LRMDA: variants seen among roughly 807,000 people sequenced by gnomAD.
LRMDA encodes leucine-rich melanocyte differentiation-associated protein.
In LRMDA, 18 loss-of-function variants were observed where a neutral mutation model predicts 29.8. The observed-to-expected ratio is 0.60, with a 90% CI of 0.42 to 0.90. The LOEUF is 0.90. Ranked by LOEUF, LRMDA falls within the 40% of genes least tolerant of loss-of-function variation. The pLI is 0.00. For missense variants in LRMDA, 273 were observed against 273.9 expected (o/e 1.00, Z 0.02); for synonymous variants, 125 against 109.4 (o/e 1.14, Z -0.89).
intron 2 of LRMDA, among the ~76,000 whole-genome samples, chr10:75,597,658 T>A (rs576993424): frequency 3.9e-5 from 6 of 152,356 alleles, no homozygotes; most frequent in African/African-American, 1.2e-4. Context: ...TCACTTTTTT[T>A]AATCTTTAAA....
At chr10:75,933,548 A>T in intron 2 of LRMDA, among the ~76,000 whole-genome samples, 1 of 152,286 alleles carries the variant, frequency 6.6e-6, no homozygotes, top group East Asian at 1.9e-4. Flanking sequence ...TTCAGAGTGC[A>T]ATGTATGTCC....
chr10:75,996,716 T>G (rs1049991972), intron 2 of LRMDA, among the ~76,000 whole-genome samples: 4 of 151,594 alleles, frequency 2.6e-5, no homozygotes, highest in East Asian at 3.9e-4. Context: ...AAATTACGTG[T>G]TTTTTTTGTT....
At chr10:75,799,038 C>G (rs960502035) in intron 2 of LRMDA, among the ~76,000 whole-genome samples, 2 of 152,156 alleles carry the variant, frequency 1.3e-5, no homozygotes, top group East Asian at 3.8e-4. Flanking sequence ...CTAAAAATAT[C>G]AATTAGATTA....
At chr10:75,638,460 A>G (rs1841414201) in intron 2 of LRMDA, among the ~76,000 whole-genome samples, 1 of 152,204 alleles carries the variant, frequency 6.6e-6, no homozygotes, top group South Asian at 2.1e-4. Flanking sequence ...AGAGGATGTG[A>G]CACTGTGTAA....
chr10:76,515,520 T>C (rs1195644299), intron 6 of LRMDA, among the ~76,000 whole-genome samples: 1 of 152,148 alleles, frequency 6.6e-6, no homozygotes, highest in Non-Finnish European at 1.5e-5. Flanking sequence ...TTTCTCTTTT[T>C]TTTGAGACAG....
intron 2 of LRMDA, among the ~76,000 whole-genome samples, chr10:75,777,615 A>G (rs755017091): frequency 4.6e-5 from 7 of 151,670 alleles, no homozygotes; most frequent in Non-Finnish European, 8.8e-5. Context: ...TTTTCACTTC[A>G]CTCCCAGCTC....
chr10:75,901,461 G>A (rs1845671370), intron 2 of LRMDA, among the ~76,000 whole-genome samples: 1 of 152,158 alleles, frequency 6.6e-6, no homozygotes, highest in Non-Finnish European at 1.5e-5. Flanking sequence ...TTCTGGATAA[G>A]AAGACATGTG....
chr10:76,491,335 G>T (rs964642160), intron 6 of LRMDA, among the ~76,000 whole-genome samples: 2 of 151,924 alleles, frequency 1.3e-5, no homozygotes, highest in African/African-American at 4.8e-5. Context: ...TTAAAGAACT[G>T]CTTTTAGCAT....
intron 5 of LRMDA, among the ~76,000 whole-genome samples, chr10:76,271,729 A>G (rs1840070361): frequency 6.6e-6 from 1 of 152,216 alleles, no homozygotes; most frequent in Non-Finnish European, 1.5e-5. Flanking sequence ...TCTAAATGGC[A>G]TTATAAGAAG....
intron 2 of LRMDA, among the ~76,000 whole-genome samples, chr10:75,928,867 A>G (rs921299058): frequency 1.3e-5 from 2 of 152,108 alleles, no homozygotes; most frequent in East Asian, 3.9e-4. Context: ...AAGAGTGGCA[A>G]AAACAGGGCT....
At position 76,498,081 on chromosome 10, in the gene LRMDA, C is replaced by A. The variant is rs1380235573; in HGVS notation, c.602-59128C>A. ...ATATTGGAGCTTCCTGTTGAAGAGA[C>A]CTTTATGGACATTGATTAATTTCAT... On this transcript the variant is annotated intron_variant, in intron 6 of 6. Coordinates refer to ENST00000611255, the MANE Select transcript of LRMDA (RefSeq NM_001305581.2). 1.2e-4 allele frequency among the ~76,000 whole-genome samples: 9 copies of A among 75,574 alleles called. 4 individuals carry two copies. The allele number at this position is 75,574 out of a possible 152,430, so 49.6% of individuals were successfully genotyped here.
intron 2 of LRMDA, among the ~76,000 whole-genome samples, chr10:75,714,751 A>G (rs1417529187): frequency 6.6e-6 from 1 of 151,844 alleles, no homozygotes; most frequent in African/African-American, 2.4e-5. Context: ...TTTTTTTTTA[A>G]TTATGAGGGT....
chr10:76,297,634 G>A lies in LRMDA; in HGVS notation c.517-26767G>A, dbSNP rs146431379. 8.4e-3 allele frequency among the ~76,000 whole-genome samples: 1,280 copies of A among 152,224 alleles called. 14 individuals are homozygous for A. Among genetic ancestry groups the A allele is most frequent in the African/African-American group, 0.03 (1,230 of 41,528 alleles). On this transcript the variant is annotated intron_variant, in intron 5 of 6. Transcript: ENST00000611255. ...ATCATTCTGTGTCTGGGGGCCTGTC[G>A]TTTCTGTCATTCTTCCTGGAAAGTA...
At chr10:75,945,435 A>G (rs1481208867) in intron 2 of LRMDA, among the ~76,000 whole-genome samples, 1 of 152,150 alleles carries the variant, frequency 6.6e-6, no homozygotes, top group Non-Finnish European at 1.5e-5. Context: ...CAGTGGCAAA[A>G]TTCATCCTTA....
intron 2 of LRMDA, among the ~76,000 whole-genome samples, chr10:75,575,409 C>T (rs182492505): frequency 2.0e-5 from 3 of 152,232 alleles, no homozygotes; most frequent in Admixed American, 2.0e-4. Context: ...GTCTCTTCTG[C>T]CTATGAGCCT....
chr10:75,508,732 G>A (rs1271742140), intron 2 of LRMDA, among the ~76,000 whole-genome samples: 1 of 152,140 alleles, frequency 6.6e-6, no homozygotes, highest in Non-Finnish European at 1.5e-5. Context: ...CCCTAACAGC[G>A]TTTGAAGGAG....
chr10:76,348,657 A>G (rs1003721546), intron 6 of LRMDA, among the ~76,000 whole-genome samples: 1 of 152,176 alleles, frequency 6.6e-6, no homozygotes, highest in East Asian at 1.9e-4. Context: ...ATGTCTTGCC[A>G]TGTCAGGCTC....
chr10:76,510,496 G>A (rs1843000159), intron 6 of LRMDA, among the ~76,000 whole-genome samples: 1 of 152,076 alleles, frequency 6.6e-6, no homozygotes, highest in South Asian at 2.1e-4. Context: ...AATCCTTCCT[G>A]ATCTTATAGG....
chr10:75,515,079 A>T (rs1370980744), intron 2 of LRMDA, among the ~76,000 whole-genome samples: 1 of 152,266 alleles, frequency 6.6e-6, no homozygotes, highest in Non-Finnish European at 1.5e-5. Context: ...TACATGCTAC[A>T]GTGTGGATGA....
Sources: gnomAD v4.1 joint callset for allele counts (sites outside exome capture counted in the v4.1 genomes callset) on GRCh38, gnomAD v4.1.1 for gene constraint, MANE v1.5 for transcripts, NCBI Gene and HGNC (gene_info 2026-07-23, HGNC 2026-07-21) for gene names.